POU6F2: variants seen among roughly 807,000 people sequenced by gnomAD.
The protein encoded by POU6F2 is POU domain, class 6, transcription factor 2.
A neutral mutation model predicts 71.3 loss-of-function variants in POU6F2; 31 were observed. The ratio of observed to expected loss-of-function variants is 0.43; its 90% CI spans 0.33 to 0.59. POU6F2 has a LOEUF of 0.59. Ranked by LOEUF, POU6F2 falls within the 20% of genes least tolerant of loss-of-function variation. POU6F2 has a pLI of 0.04. For synonymous variants in POU6F2, 347 were observed against 355.7 expected (o/e 0.98, Z 0.27); for missense variants, 783 against 856.8 (o/e 0.91, Z 1.07).
At chr7:39,057,493 G>A (rs775413518) in intron 1 of POU6F2, among the ~76,000 whole-genome samples, 6 of 151,664 alleles carry the variant, frequency 4.0e-5, no homozygotes, top group Non-Finnish European at 7.4e-5. Context: ...ATGTTAAATC[G>A]TTGTATGTCT....
chr7:39,063,034 T>G (rs1036033857), intron 1 of POU6F2, among the ~76,000 whole-genome samples: 1 of 152,112 alleles, frequency 6.6e-6, no homozygotes, highest in Non-Finnish European at 1.5e-5. Flanking sequence ...AAGTAAATGA[T>G]AGTCTGGATA....
In POU6F2 at chr7:39,467,301, T is replaced by A. The variant is rs1386542045; in HGVS notation, c.*2615T>A. 6.6e-6 allele frequency: 1 copy of A among 152,204 alleles called. No individual in the cohort carries two copies. The highest frequency in any genetic ancestry group is 1.5e-5 in the Non-Finnish European group (1 of 68,024). 9.4% of individuals were successfully genotyped at this position (152,204 alleles called of 1,614,324 possible). On this transcript the variant is annotated 3_prime_UTR_variant, in exon 10 of 10. Transcript: ENST00000518318. ...ATAAAAAGGTGCCTGAACCGATTCT[T>A]AGGAATATAAATTATACTGTGTAAC...
intron 8 of POU6F2, among the ~76,000 whole-genome samples, chr7:39,457,238 C>T (rs2116147425): frequency 6.6e-6 from 1 of 152,330 alleles, no homozygotes; most frequent in South Asian, 2.1e-4. Context: ...GTGCCAGTGT[C>T]TGGTGGCAAC....
At chr7:39,108,052 TA>T (rs1791728304) in intron 2 of POU6F2, among the ~76,000 whole-genome samples, 1 of 152,188 alleles carries the variant, frequency 6.6e-6, no homozygotes, top group Non-Finnish European at 1.5e-5. Context: ...CACAATGGGC[TA>T]TAACTGTGAT....
chr7:39,303,078 T>C (rs1000073265), intron 4 of POU6F2, among the ~76,000 whole-genome samples: 1 of 152,260 alleles, frequency 6.6e-6, no homozygotes, highest in African/African-American at 2.4e-5. Context: ...TTGCATCTGC[T>C]TGAAAAGGCA....
chr7:39,275,754 T>C (rs1233599878), intron 4 of POU6F2, among the ~76,000 whole-genome samples: 1 of 151,906 alleles, frequency 6.6e-6, no homozygotes, highest in Admixed American at 6.6e-5. Flanking sequence ...GCCGCATATC[T>C]ACAACTATCT....
intron 4 of POU6F2, among the ~76,000 whole-genome samples, chr7:39,337,771 AT>A (rs760559172): frequency 3.3e-5 from 5 of 151,920 alleles, no homozygotes; most frequent in Non-Finnish European, 7.4e-5. Flanking sequence ...ATTCTGTATT[AT>A]TTTTTGCTTG....
chr7:39,034,882 T>C (rs574957025), intron 1 of POU6F2, among the ~76,000 whole-genome samples: 1 of 152,174 alleles, frequency 6.6e-6, no homozygotes, highest in African/African-American at 2.4e-5. Context: ...CTCTGTTTAT[T>C]TTGCTATTTT....
chr7:39,212,484 T>C (rs889251548), intron 4 of POU6F2, among the ~76,000 whole-genome samples: 1 of 152,132 alleles, frequency 6.6e-6, no homozygotes, highest in African/African-American at 2.4e-5. Context: ...CTCAAAGCCC[T>C]GTGTCCCTAT....
At chr7:39,150,789 G>A (rs1277270590) in intron 2 of POU6F2, among the ~76,000 whole-genome samples, 3 of 151,938 alleles carry the variant, frequency 2.0e-5, no homozygotes, top group Non-Finnish European at 4.4e-5. Context: ...TCTATCAACA[G>A]TGTACTGGGG....
At position 39,406,623 on chromosome 7, in the gene POU6F2, T is replaced by A. The variant is rs759645219; in HGVS notation, c.996T>A (p.Ser332Arg). ...PLQLVNNPLASQAAAAAAAMS... is the reference protein window; with the variant it reads ...PLQLVNNPLARQAAAAAAAMS... ...AGCTGGTTAATAATCCACTAGCAAG[T>A]CAGGCTGCAGCGGCTGCAGCAGCCA... is the stretch of plus-strand genomic sequence containing the variant. The change falls in exon 6 of 10, where the codon AGT (serine) becomes AGA (arginine). Residue 332 changes from serine (S) to arginine (R), a missense_variant. Ser to Arg is a moderately radical substitution (Grantham distance 110, BLOSUM62 -1). Around this residue, in one of 2 missense-constraint regions of POU6F2, gnomAD observed 572 missense variants for 572.9 expected, o/e 1.00. Coordinates refer to ENST00000518318, the MANE Select transcript of POU6F2 (RefSeq NM_001370959.1). 1.9e-6 allele frequency: 3 copies of A among 1,613,506 alleles called. No individual in the cohort carries two copies. Among genetic ancestry groups the A allele is most frequent in the Admixed American group, 3.3e-5 (2 of 59,996 alleles).
intron 1 of POU6F2, among the ~76,000 whole-genome samples, chr7:39,068,850 T>C (rs1790815372): frequency 6.6e-6 from 1 of 152,120 alleles, no homozygotes; most frequent in South Asian, 2.1e-4. Flanking sequence ...TTCCCACTGT[T>C]TAGCATTCAT....
intron 1 of POU6F2, among the ~76,000 whole-genome samples, chr7:39,031,121 G>A (rs60567259): frequency 2.0e-5 from 3 of 152,038 alleles, no homozygotes; most frequent in Admixed American, 6.5e-5. Context: ...GGCTGGTCTC[G>A]AAATCCTGAC....
intron 4 of POU6F2, among the ~76,000 whole-genome samples, chr7:39,252,472 A>G (rs1783943499): frequency 6.6e-6 from 1 of 151,994 alleles, no homozygotes; most frequent in South Asian, 2.1e-4. Flanking sequence ...ATATCTGAAT[A>G]AAATCTAACT....
chr7:39,190,514 G>A (rs900606106), intron 2 of POU6F2, among the ~76,000 whole-genome samples: 2 of 141,766 alleles, frequency 1.4e-5, no homozygotes, highest in Non-Finnish European at 3.0e-5. Context: ...GGTTTGTTAT[G>A]AAGATTAAAT....
intron 4 of POU6F2, among the ~76,000 whole-genome samples, chr7:39,226,201 A>G (rs539701569): frequency 6.6e-6 from 1 of 152,314 alleles, no homozygotes; most frequent in East Asian, 1.9e-4. Context: ...TAAAAGTCCC[A>G]TCTGGAAGAA....
At chr7:39,224,511 G>A (rs1329532837) in intron 4 of POU6F2, among the ~76,000 whole-genome samples, 2 of 152,176 alleles carry the variant, frequency 1.3e-5, no homozygotes. Context: ...TGAGGCAGTT[G>A]GAGCAGAATG....
chr7:39,423,220 T>C (rs2215138), intron 6 of POU6F2, among the ~76,000 whole-genome samples: 54,179 of 152,020 alleles, frequency 0.36, 11,111 homozygotes, highest in East Asian at 0.61. Flanking sequence ...GTCAACAGTG[T>C]GGGTTTCAGT....
chr7:39,452,705 A>G lies in POU6F2; in HGVS notation c.1489+1004A>G, dbSNP rs201738018. Among the ~76,000 whole-genome samples the G allele has an allele frequency of 4.6e-5, 7 of 152,354 alleles. No individual in the cohort carries two copies. In the East Asian group the frequency reaches 1.3e-3, roughly 29 times the overall value. ...AAAAAAGAAAAATAATTACATACAT[A>G]TATGTCTATATTCAATTATACTGAT... On this transcript the variant is annotated intron_variant, in intron 8 of 9. Coordinates refer to ENST00000518318, the MANE Select transcript of POU6F2 (RefSeq NM_001370959.1).
Sources: allele counts gnomAD v4.1 joint callset (sites outside exome capture counted in the v4.1 genomes callset), GRCh38; gene constraint gnomAD v4.1.1; regional missense constraint gnomAD v4.1.1; transcripts MANE v1.5; gene names NCBI Gene and HGNC (gene_info 2026-07-23, HGNC 2026-07-21).